Variants in UBTD2 observed in about 807,000 individuals in gnomAD.
The protein encoded by UBTD2 is ubiquitin domain containing 2, also known as ubiquitin domain-containing protein 2.
Under a neutral mutation model 19.8 loss-of-function variants are expected in UBTD2, and 9 were observed. That is an observed-to-expected ratio of 0.46 (90% CI 0.27 to 0.79). UBTD2 has a LOEUF of 0.79. UBTD2 is among the 30% of genes least tolerant of loss of function. The pLI, the probability that UBTD2 is intolerant of heterozygous loss-of-function variation, is 0.14. For synonymous variants in UBTD2, 98 were observed against 103.9 expected, an observed-to-expected ratio of 0.94 and a Z score of 0.35; for missense variants, 250 against 300.4, an observed-to-expected ratio of 0.83 and a Z score of 1.24.
At position 172,269,213 on chromosome 5, in the gene UBTD2, G is replaced by A. The variant is rs371771357; in HGVS notation, c.70+14383C>T. Among the ~76,000 whole-genome samples the A allele has an allele frequency of 1.8e-4, 27 of 152,254 alleles. No homozygotes were observed. In the South Asian group the frequency reaches 5.6e-3, roughly 32 times the overall value. On this transcript the variant is annotated intron_variant, in intron 1 of 2. Coordinates refer to ENST00000393792, the MANE Select transcript of UBTD2 (RefSeq NM_152277.3). Reference sequence around the variant, plus strand: ...ATTGTCATTTAAAAAGTTTGGGCGGGGCGGGGTGGCTCATGCCTGTAATCC... The same window carrying A: ...ATTGTCATTTAAAAAGTTTGGGCGGAGCGGGGTGGCTCATGCCTGTAATCC...
intron 2 of UBTD2, among the ~76,000 whole-genome samples, chr5:172,214,109 T>C (rs567782980): frequency 6.6e-6 from 1 of 152,358 alleles, no homozygotes; most frequent in Admixed American, 6.5e-5. Context: ...ATGAATGTTT[T>C]AAGGTTATAC....
chr5:172,234,019 T>A, intron 2 of UBTD2, 103 bp downstream of exon 2: 2 of 1,225,576 alleles, frequency 1.6e-6, no homozygotes, highest in South Asian at 2.8e-5. Flanking sequence ...AAAAAAAAGT[T>A]AGAATAATTC....
chr5:172,252,713 C>T (rs1179537845), intron 1 of UBTD2, among the ~76,000 whole-genome samples: 2 of 152,138 alleles, frequency 1.3e-5, no homozygotes, highest in African/African-American at 2.4e-5. Context: ...TGTGTATAAA[C>T]ATACTTCACT....
At chr5:172,275,257 A>G (rs550172138) in intron 1 of UBTD2, among the ~76,000 whole-genome samples, 1 of 152,288 alleles carries the variant, frequency 6.6e-6, no homozygotes, top group African/African-American at 2.4e-5. Flanking sequence ...CACTATCACA[A>G]GAACAGCATG....
At chr5:172,259,945 C>T (rs1444138154) in intron 1 of UBTD2, among the ~76,000 whole-genome samples, 2 of 151,920 alleles carry the variant, frequency 1.3e-5, no homozygotes, top group African/African-American at 2.4e-5. Context: ...CCCAGCTACT[C>T]GGGAGGCTGA....
intron 1 of UBTD2, among the ~76,000 whole-genome samples, chr5:172,263,800 AC>A (rs1328279543): frequency 6.6e-6 from 1 of 151,000 alleles, no homozygotes; most frequent in Non-Finnish European, 1.5e-5. Context: ...CTCAAAAAAA[AC>A]CACAAAATCT....
At position 172,241,176 on chromosome 5, in the gene UBTD2, G is replaced by A. The variant is rs1772119712; in HGVS notation, c.71-6818C>T. ...CACCTGTAATCTCAGCACTTTGGGA[G>A]GCCGACGTGAGTGGATCACCCGAGG... On this transcript the variant is annotated intron_variant, in intron 1 of 2. Coordinates refer to ENST00000393792, the MANE Select transcript of UBTD2 (RefSeq NM_152277.3). Among the ~76,000 whole-genome samples, 3 of 151,984 alleles carry A rather than the reference G, an allele frequency of 2.0e-5. No individual in the cohort carries two copies. In the South Asian group the frequency reaches 6.2e-4, roughly 31 times the overall value.
intron 1 of UBTD2, among the ~76,000 whole-genome samples, chr5:172,245,487 C>T (rs377600952): frequency 9.2e-5 from 14 of 152,226 alleles, no homozygotes; most frequent in Non-Finnish European, 1.5e-4. Flanking sequence ...CCAAGACAGG[C>T]GACTGCTTGA....
intron 1 of UBTD2, among the ~76,000 whole-genome samples, chr5:172,256,227 T>A (rs1374953337): frequency 6.6e-6 from 1 of 152,182 alleles, no homozygotes; most frequent in African/African-American, 2.4e-5. Context: ...GCCACTCTAT[T>A]AAGTCATAGC....
intron 2 of UBTD2, among the ~76,000 whole-genome samples, chr5:172,216,524 A>G (rs1451994273): frequency 1.5e-5 from 2 of 135,778 alleles, no homozygotes; most frequent in Admixed American, 1.5e-4. Flanking sequence ...AGGCCAAGGT[A>G]GGAGGACTGC....
chr5:172,235,199 C>T (rs6890637), intron 1 of UBTD2, among the ~76,000 whole-genome samples: 60,410 of 151,808 alleles, frequency 0.4, 12,198 homozygotes, highest in South Asian at 0.54. Context: ...AGAGACACCA[C>T]GAAAGAGAGG....
intron 2 of UBTD2, among the ~76,000 whole-genome samples, chr5:172,233,609 T>C (rs1015928504): frequency 5.3e-5 from 8 of 152,122 alleles, no homozygotes; most frequent in African/African-American, 1.2e-4. Context: ...CTTAAAAACA[T>C]GCGGGACTCT....
intron 1 of UBTD2, among the ~76,000 whole-genome samples, chr5:172,260,677 T>G (rs984313621): frequency 3.3e-5 from 5 of 152,224 alleles, no homozygotes; most frequent in African/African-American, 4.8e-5. Flanking sequence ...AGATAAGCAA[T>G]TCTTCCCATT....
At chr5:172,212,327 T>C in intron 2 of UBTD2, 100 bp from the exon 3 acceptor site, 1 of 1,311,370 alleles carries the variant, frequency 7.6e-7, no homozygotes, top group Non-Finnish European at 1.0e-6. Flanking sequence ...AGCATGGCAC[T>C]GTAGAGAAAA....
chr5:172,244,295 G>GGTTTTTTT (rs1554128667), intron 1 of UBTD2, among the ~76,000 whole-genome samples: 3 of 126,076 alleles, frequency 2.4e-5, no homozygotes, highest in African/African-American at 9.1e-5. Context: ...TTTCCTCCCA[G>GGTTTTTTT]TTTTTTTTTT....
rs56280728 is a variant in UBTD2, at chr5:172,250,933, C to CAAAAAA, written c.71-16581_71-16576dup. 2.0e-4 allele frequency among the ~76,000 whole-genome samples: 9 copies of CAAAAAA among 43,946 alleles called. 1 individual carries two copies. Among genetic ancestry groups the CAAAAAA allele is most frequent in the African/African-American group, 5.3e-4 (6 of 11,228 alleles). 28.8% of individuals were successfully genotyped at this position (43,946 alleles called of 152,430 possible). On this transcript the variant is annotated intron_variant, in intron 1 of 2. Coordinates refer to ENST00000393792, the MANE Select transcript of UBTD2 (RefSeq NM_152277.3). The stretch of plus-strand genomic sequence containing the variant: ...TGGGTGACAGAGCGAGACCCTGTCT[C>CAAAAAA]AAAAAAAAAAAAAAAAAAAAAAAAA...
At chr5:172,282,418 AG>A (rs1178031793) in intron 1 of UBTD2, among the ~76,000 whole-genome samples, 1 of 152,238 alleles carries the variant, frequency 6.6e-6, no homozygotes, top group Non-Finnish European at 1.5e-5. Context: ...ATTTTAATAA[AG>A]TGGCATGGCT....
intron 1 of UBTD2, among the ~76,000 whole-genome samples, chr5:172,275,599 G>A (rs557393963): frequency 5.6e-4 from 85 of 152,188 alleles, no homozygotes; most frequent in African/African-American, 1.9e-3. Flanking sequence ...AAACTCTCAT[G>A]ACTCAATTCT....
At chr5:172,226,222 T>G (rs541260872) in intron 2 of UBTD2, among the ~76,000 whole-genome samples, 1 of 152,148 alleles carries the variant, frequency 6.6e-6, no homozygotes, top group Non-Finnish European at 1.5e-5. Context: ...AATGACAGAA[T>G]GAATGCAAAG....
Sources: allele counts gnomAD v4.1 joint callset (sites outside exome capture counted in the v4.1 genomes callset), GRCh38; gene constraint gnomAD v4.1.1; transcripts MANE v1.5; gene names NCBI Gene and HGNC (gene_info 2026-07-23, HGNC 2026-07-21).